Variants in PSAT1 observed in about 807,000 individuals in gnomAD.
The protein encoded by PSAT1 is phosphoserine aminotransferase.
PSAT1 carries 41 observed loss-of-function variants against 40.3 expected under a neutral mutation model. The ratio of observed to expected loss-of-function variants is 1.02; its 90% CI spans 0.79 to 1.32. PSAT1 has a LOEUF of 1.32. PSAT1 is among the 40% of genes most tolerant of loss of function. PSAT1 has a pLI of 0.00. For missense variants in PSAT1, 406 were observed against 455.8 expected (o/e 0.89, Z 0.99); for synonymous variants, 147 against 170.5 (o/e 0.86, Z 1.07).
chr9:78,317,530 C>T (rs117734443), intron 6 of PSAT1, 146 bp from the exon 7 acceptor site: 377 of 1,014,394 alleles, frequency 3.7e-4, no homozygotes, highest in Non-Finnish European at 4.9e-4. Context: ...GGATTACGGG[C>T]GTGAGCCACT....
intron 7 of PSAT1, among the ~76,000 whole-genome samples, chr9:78,321,918 A>G (rs1828434847): frequency 6.8e-6 from 1 of 147,982 alleles, no homozygotes; most frequent in Non-Finnish European, 1.5e-5. Flanking sequence ...TCAAGAATAT[A>G]TAATATAAGG....
chr9:78,328,688 A>G (rs528123192), intron 8 of PSAT1, among the ~76,000 whole-genome samples: 28 of 152,326 alleles, frequency 1.8e-4, no homozygotes, highest in African/African-American at 4.8e-4. Flanking sequence ...CAGAATCGCT[A>G]TCTTCTTCCA....
intron 6 of PSAT1, among the ~76,000 whole-genome samples, chr9:78,311,399 G>T (rs1229985225): frequency 6.6e-6 from 1 of 152,152 alleles, no homozygotes; most frequent in African/African-American, 2.4e-5. Flanking sequence ...GGTGGGAGGG[G>T]GCAGGGAAAG....
chr9:78,305,867 C>T (rs1828174202), intron 4 of PSAT1, among the ~76,000 whole-genome samples: 1 of 152,190 alleles, frequency 6.6e-6, no homozygotes, highest in South Asian at 2.1e-4. Context: ...AGATATCTCC[C>T]ATGCCTTTTG....
intron 4 of PSAT1, 109 bp from the exon 5 acceptor site, chr9:78,306,205 T>C: frequency 1.7e-6 from 2 of 1,173,030 alleles, no homozygotes; most frequent in South Asian, 1.2e-5. Context: ...TGGAGTCAGT[T>C]AGTCTTTCCC....
At chr9:78,314,724 G>A (rs1828315835) in intron 6 of PSAT1, among the ~76,000 whole-genome samples, 1 of 152,148 alleles carries the variant, frequency 6.6e-6, no homozygotes, top group Non-Finnish European at 1.5e-5. Flanking sequence ...TGGGCGGCGA[G>A]TGTGAGCACA....
chr9:78,302,720 C>A (rs978727532), intron 3 of PSAT1, among the ~76,000 whole-genome samples: 4 of 121,080 alleles, frequency 3.3e-5, no homozygotes, highest in Admixed American at 1.1e-4. Context: ...GGTGACAAAG[C>A]GAGACTCCGT....
intron 4 of PSAT1, among the ~76,000 whole-genome samples, chr9:78,305,709 G>T (rs1237876511): frequency 6.6e-6 from 1 of 152,132 alleles, no homozygotes; most frequent in East Asian, 1.9e-4. Flanking sequence ...CCATGCCTGA[G>T]TTGCATTCTA....
At position 78,317,761 on chromosome 9, in the gene PSAT1, C is replaced by G. The variant is rs748962329; in HGVS notation, c.826C>G (p.Gln276Glu). The G allele has an allele frequency of 5.0e-6, 8 of 1,613,568 alleles. No individual in the cohort carries two copies. The Admixed American group carries it at 5.0e-5, about 10-fold the overall frequency. ...GGAGAAGCTTAGCTCCATCAAATCT[C>G]AAACAATTTATGAGATTATTGATAA... ...AMEKLSSIKS[Q>E]TIYEIIDNSQ... Residue 276 changes from glutamine (Q) to glutamate (E), a missense_variant, in exon 7 of 9, where the codon CAA (glutamine) becomes GAA (glutamate). By Grantham distance (29) the Gln-to-Glu change is conservative. Transcript: ENST00000376588.
At chr9:78,304,658 C>T in intron 3 of PSAT1, 77 bp from the exon 4 acceptor site, 1 of 1,398,452 alleles carries the variant, frequency 7.2e-7, no homozygotes, top group Admixed American at 1.7e-5. Context: ...AGTTAAAGCA[C>T]TTGGTAGAGC....
rs756944709 is a variant in PSAT1 at position 78,297,280 on chromosome 9, C to A, written c.60+10C>A. 6.9e-6 allele frequency: 11 copies of A among 1,594,168 alleles called. No individual in the cohort carries two copies. Among genetic ancestry groups the A allele is most frequent in the Non-Finnish European group, 7.7e-6 (9 of 1,175,832 alleles). Reference sequence around the variant, plus strand: ...CAAGCTGCCGCACTCAGTAAGTCCCCGCGAGCGGGCGCCGGGAGTGAGGTT... The same window carrying A: ...CAAGCTGCCGCACTCAGTAAGTCCCAGCGAGCGGGCGCCGGGAGTGAGGTT... On this transcript the variant is annotated intron_variant, in intron 1 of 8. Coordinates refer to ENST00000376588, the MANE Select transcript of PSAT1 (RefSeq NM_058179.4).
In PSAT1 at chr9:78,328,039, C is replaced by T. The variant is rs1221736370; in HGVS notation, c.870-12C>T. Reference sequence around the variant, plus strand: ...TCAGAAAAGTAGCTGGAATAATAAACATGTTTTTCAGTTGTCCAGTGGAGC... The same window carrying T: ...TCAGAAAAGTAGCTGGAATAATAAATATGTTTTTCAGTTGTCCAGTGGAGC... On this transcript the variant is annotated splice_polypyrimidine_tract_variant and intron_variant, in intron 7 of 8. Coordinates refer to ENST00000376588, the MANE Select transcript of PSAT1 (RefSeq NM_058179.4). 1 of 1,608,674 alleles carries T rather than the reference C, an allele frequency of 6.2e-7. No individual in the cohort carries two copies. The highest frequency in any genetic ancestry group is 8.5e-7 in the Non-Finnish European group (1 of 1,176,934).
In PSAT1 at chr9:78,329,121, C is replaced by T; in HGVS notation, c.*35C>T. 1 of 1,457,194 alleles carries T rather than the reference C, an allele frequency of 6.9e-7. No individual in the cohort carries two copies. The highest frequency in any genetic ancestry group is 9.6e-7 in the Non-Finnish European group (1 of 1,038,876). The allele number at this position is 1,457,194 out of a possible 1,614,324, so 90.3% of individuals were successfully genotyped here. ...AACCAGGATATACTCTGTTCTTGAA[C>T]AACATACAAAGTTTAAAGTAACTTG... On this transcript the variant is annotated 3_prime_UTR_variant, in exon 9 of 9. Transcript: ENST00000376588.
chr9:78,303,466 A>G (rs570366052), intron 3 of PSAT1, among the ~76,000 whole-genome samples: 1 of 152,138 alleles, frequency 6.6e-6, no homozygotes, highest in Non-Finnish European at 1.5e-5. Flanking sequence ...TCCCAGTTCA[A>G]TTTAAGGGCC....
chr9:78,326,956 T>TATATATATATATATA (rs1491277712), intron 7 of PSAT1, among the ~76,000 whole-genome samples: 17 of 59,156 alleles, frequency 2.9e-4, no homozygotes, highest in Admixed American at 5.7e-4. Flanking sequence ...TATATATATA[T>TATATATATATATATA]TTTTTTTTTT....
chr9:78,323,880 A>C (rs1828461855), intron 7 of PSAT1, among the ~76,000 whole-genome samples: 1 of 152,192 alleles, frequency 6.6e-6, no homozygotes, highest in Admixed American at 6.5e-5. Context: ...TTCTCTTCAC[A>C]TACTCTTCTT....
rs370557155 is a variant in PSAT1, at chr9:78,329,004, C to G, written c.1031C>G (p.Ser344Cys). ...AGGTCTGTGGGAGGCATCCGGGCCT[C>G]TCTGTATAATGCTGTCACAATTGAA... is the stretch of plus-strand genomic sequence containing the variant. ...GHRSVGGIRA[S>C]LYNAVTIEDV... The change falls in exon 9 of 9, where the codon TCT (serine) becomes TGT (cysteine). Residue 344 changes from serine (S) to cysteine (C), a missense_variant. By Grantham distance (112) the Ser-to-Cys change is moderately radical (BLOSUM62 -1). Coordinates refer to ENST00000376588, the MANE Select transcript of PSAT1 (RefSeq NM_058179.4). 2.1e-5 allele frequency: 34 copies of G among 1,613,732 alleles called. No homozygotes were observed. The highest frequency in any genetic ancestry group is 2.4e-5 in the Non-Finnish European group (28 of 1,179,852).
At chr9:78,306,572 A>G in intron 5 of PSAT1, 86 bp downstream of exon 5, 1 of 1,561,192 alleles carries the variant, frequency 6.4e-7, no homozygotes, top group Non-Finnish European at 8.8e-7. Flanking sequence ...GGGAAGAACC[A>G]TGGGTGTTTG....
intron 7 of PSAT1, among the ~76,000 whole-genome samples, chr9:78,324,641 C>A (rs564328584): frequency 3.9e-5 from 6 of 152,238 alleles, no homozygotes; most frequent in African/African-American, 1.4e-4. Flanking sequence ...ACAACTTGAG[C>A]CAATATTGGG....
Sources: allele counts gnomAD v4.1 joint callset (sites outside exome capture counted in the v4.1 genomes callset), GRCh38; gene constraint gnomAD v4.1.1; transcripts MANE v1.5; gene names NCBI Gene and HGNC (gene_info 2026-07-23, HGNC 2026-07-21).